Variants in IQCB1 observed in about 807,000 individuals in gnomAD.
IQCB1 encodes the protein IQ motif containing B1.
Under a neutral mutation model 84.4 loss-of-function variants are expected in IQCB1, and 56 were observed. The ratio of observed to expected loss-of-function variants is 0.66; its 90% CI spans 0.54 to 0.83. IQCB1 has a LOEUF of 0.83. Among genes scored for constraint, IQCB1 ranks in the 40% least tolerant of loss-of-function variants. IQCB1 has a pLI of 0.00. For synonymous variants in IQCB1, 210 were observed against 234.8 expected (o/e 0.89, Z 0.96); for missense variants, 629 against 682.1 (o/e 0.92, Z 0.87).
At chr3:121,783,406 T>C (rs375554002) in intron 12 of IQCB1, among the ~76,000 whole-genome samples, 2 of 152,336 alleles carry the variant, frequency 1.3e-5, no homozygotes, top group East Asian at 3.9e-4. Flanking sequence ...TATTATTACA[T>C]CATAATTTTA....
chr3:121,821,450 A>T (rs1950271097), intron 5 of IQCB1, among the ~76,000 whole-genome samples: 1 of 152,188 alleles, frequency 6.6e-6, no homozygotes, highest in Non-Finnish European at 1.5e-5. Flanking sequence ...TGGCTCCACA[A>T]AGCTTTTTGG....
chr3:121,785,967 G>A (rs1195808218), intron 12 of IQCB1, among the ~76,000 whole-genome samples: 1 of 149,914 alleles, frequency 6.7e-6, no homozygotes, highest in Non-Finnish European at 1.5e-5. Flanking sequence ...TCAGGAGTTG[G>A]AGACCACCCT....
intron 7 of IQCB1, among the ~76,000 whole-genome samples, chr3:121,805,790 G>C (rs1054007283): frequency 7.9e-5 from 12 of 152,080 alleles, no homozygotes; most frequent in Non-Finnish European, 1.6e-4. Flanking sequence ...ACAATGTGCA[G>C]ATCAGTACTC....
chr3:121,790,104 C>T lies in IQCB1; in HGVS notation c.1098G>A (p.Leu366=). ...GAACTATTTCGAGCATACTCAGCTG[C>T]AATTCTCGGGAAAGTCTCATGGCTC... is the stretch of plus-strand genomic sequence containing the variant. The part of the protein sequence containing the change: ...RQRAMRLSRE[L]QLSMLEIVHP... Residue 366 remains leucine, a synonymous_variant, in exon 11 of 15, where the codon TTG becomes TTA. Transcript: ENST00000310864. The T allele has an allele frequency of 2.5e-6, 4 of 1,613,694 alleles. No individual in the cohort carries two copies. Among genetic ancestry groups the T allele is most frequent in the Non-Finnish European group, 3.4e-6 (4 of 1,179,662 alleles).
At chr3:121,805,652 G>A (rs535304201) in intron 7 of IQCB1, among the ~76,000 whole-genome samples, 2 of 152,188 alleles carry the variant, frequency 1.3e-5, no homozygotes, top group East Asian at 1.9e-4. Flanking sequence ...ACCCAATGAC[G>A]CACTGTTTAT....
intron 2 of IQCB1, among the ~76,000 whole-genome samples, chr3:121,832,962 C>T (rs1028154840): frequency 1.6e-4 from 24 of 152,184 alleles, no homozygotes; most frequent in African/African-American, 5.5e-4. Context: ...CATACACATA[C>T]ACAGGGTATC....
chr3:121,817,833 T>TAAGA (rs1024991517), intron 5 of IQCB1, among the ~76,000 whole-genome samples: 40 of 151,584 alleles, frequency 2.6e-4, no homozygotes, highest in South Asian at 1.0e-3. Context: ...AGTGCCCTTA[T>TAAGA]AAGAAAGAAA....
At position 121,772,677 on chromosome 3, in the gene IQCB1, G is replaced by C. The variant is rs746090954; in HGVS notation, c.1447C>G (p.His483Asp). 9 of 1,614,026 alleles carry C rather than the reference G, an allele frequency of 5.6e-6. No homozygotes were observed. The highest frequency in any genetic ancestry group is 5.0e-5 in the Admixed American group (3 of 60,000). The change falls in exon 14 of 15, where the codon CAT becomes GAT. Residue 483 changes from histidine (H) to aspartate (D), a missense_variant. By Grantham distance (81) the His-to-Asp change is moderately conservative (BLOSUM62 -1). Coordinates refer to ENST00000310864, the MANE Select transcript of IQCB1 (RefSeq NM_001023570.4). ...PMSDVVSREL[H>D]AQAQERLQHY... is the part of the protein sequence containing the mutation. ...TGCAGTCGTTCTTGAGCTTGGGCAT[G>C]GAGCTCCCTACTGACCACATCTGAC...
chr3:121,799,119 G>T, intron 8 of IQCB1, 77 bp downstream of exon 8: 2 of 1,052,598 alleles, frequency 1.9e-6, no homozygotes, highest in Non-Finnish European at 2.9e-6. Context: ...TAAAATATAA[G>T]AATTTTGTTT....
chr3:121,782,921 C>T (rs189622882), intron 12 of IQCB1, among the ~76,000 whole-genome samples: 6 of 152,218 alleles, frequency 3.9e-5, no homozygotes, highest in East Asian at 1.9e-4. Flanking sequence ...GTGATCTGCC[C>T]GCCTCGGCCT....
At chr3:121,772,780 G>T (rs1948056437) in intron 13 of IQCB1, 67 bp from the exon 14 acceptor site, 1 of 1,479,294 alleles carries the variant, frequency 6.8e-7, no homozygotes, top group Non-Finnish European at 9.4e-7. Context: ...CAACCACTTA[G>T]CAGAGGTTTT....
At chr3:121,771,312 G>A (rs1373896236) in intron 14 of IQCB1, among the ~76,000 whole-genome samples, 1 of 151,904 alleles carries the variant, frequency 6.6e-6, no homozygotes, top group Non-Finnish European at 1.5e-5. Flanking sequence ...GTAGATTTTT[G>A]TAAGATGGCT....
chr3:121,823,155 G>A (rs1474575230), intron 5 of IQCB1, among the ~76,000 whole-genome samples: 1 of 151,654 alleles, frequency 6.6e-6, no homozygotes, highest in Non-Finnish European at 1.5e-5. Flanking sequence ...TAGGGTCAGT[G>A]TACTTGAAGA....
At chr3:121,806,502 T>C (rs1346722003) in intron 7 of IQCB1, among the ~76,000 whole-genome samples, 1 of 152,034 alleles carries the variant, frequency 6.6e-6, no homozygotes. Context: ...CAATAATGAA[T>C]TTGTACCTAC....
chr3:121,801,700 G>A (rs1331012489), intron 7 of IQCB1, among the ~76,000 whole-genome samples: 2 of 150,954 alleles, frequency 1.3e-5, no homozygotes, highest in African/African-American at 2.4e-5. Flanking sequence ...AAGCTTCCTT[G>A]TATTTCATTG....
chr3:121,803,524 ATT>A (rs71133573), intron 7 of IQCB1, among the ~76,000 whole-genome samples: 1 of 151,878 alleles, frequency 6.6e-6, no homozygotes, highest in Non-Finnish European at 1.5e-5. Context: ...GGTCATACTA[ATT>A]TTTTTGTCTA....
At chr3:121,822,948 A>C (rs1346887103) in intron 5 of IQCB1, among the ~76,000 whole-genome samples, 1 of 152,206 alleles carries the variant, frequency 6.6e-6, no homozygotes, top group Admixed American at 6.5e-5. Flanking sequence ...AGATAATTTG[A>C]CCCAGAGAAA....
intron 13 of IQCB1, among the ~76,000 whole-genome samples, chr3:121,777,797 A>G (rs922839074): frequency 6.6e-6 from 1 of 152,156 alleles, no homozygotes; most frequent in Non-Finnish European, 1.5e-5. Flanking sequence ...AACTGGTATA[A>G]TATGATTATT....
intron 10 of IQCB1, among the ~76,000 whole-genome samples, chr3:121,794,530 T>C (rs1475602448): frequency 2.6e-5 from 4 of 152,136 alleles, no homozygotes; most frequent in Non-Finnish European, 4.4e-5. Flanking sequence ...AGGCATTTGA[T>C]ATATATTTAA....
Sources: gnomAD v4.1 joint callset for allele counts (sites outside exome capture counted in the v4.1 genomes callset) on GRCh38, gnomAD v4.1.1 for gene constraint, MANE v1.5 for transcripts, NCBI Gene and HGNC (gene_info 2026-07-23, HGNC 2026-07-21) for gene names.